MALT1: variants seen among roughly 807,000 people sequenced by gnomAD.
MALT1 encodes mucosa-associated lymphoid tissue lymphoma translocation protein 1.
In MALT1, 36 loss-of-function variants were observed where a neutral mutation model predicts 85.5. The observed-to-expected ratio is 0.42, with a 90% CI of 0.32 to 0.56. MALT1 has a LOEUF of 0.56. Ranked by LOEUF, MALT1 falls within the 20% of genes least tolerant of loss-of-function variation. The pLI, the probability that MALT1 is intolerant of heterozygous loss-of-function variation, is 0.10. For missense variants in MALT1, 716 were observed against 981.6 expected, an observed-to-expected ratio of 0.73 and a Z score of 3.62; for synonymous variants, 359 against 361.3, an observed-to-expected ratio of 0.99 and a Z score of 0.07.
At chr18:58,746,800 T>TCA (rs2144493351) in intron 16 of MALT1, among the ~76,000 whole-genome samples, 1 of 152,210 alleles carries the variant, frequency 6.6e-6, no homozygotes, top group African/African-American at 2.4e-5. Flanking sequence ...CGATCTCAGC[T>TCA]CACTGCAACC....
chr18:58,730,443 A>G (rs930236109), intron 10 of MALT1, among the ~76,000 whole-genome samples: 29 of 152,158 alleles, frequency 1.9e-4, no homozygotes, highest in African/African-American at 7.0e-4. Flanking sequence ...TTCACTTCAC[A>G]TGTTTTCAAA....
intron 4 of MALT1, among the ~76,000 whole-genome samples, chr18:58,705,958 C>G (rs1242707992): frequency 6.6e-6 from 1 of 152,092 alleles, no homozygotes; most frequent in African/African-American, 2.4e-5. Context: ...AAAAGTGTTC[C>G]TATTTCTCCA....
At chr18:58,684,631 A>C (rs2054373207) in intron 2 of MALT1, among the ~76,000 whole-genome samples, 2 of 151,698 alleles carry the variant, frequency 1.3e-5, no homozygotes, top group South Asian at 4.2e-4. Context: ...TTTTTAGTAG[A>C]GATGGGGTTT....
chr18:58,689,916 G>A (rs1176911782), intron 2 of MALT1, among the ~76,000 whole-genome samples: 1 of 152,224 alleles, frequency 6.6e-6, no homozygotes, highest in African/African-American at 2.4e-5. Flanking sequence ...GCCCAGTATG[G>A]CTGGAGCTTG....
At chr18:58,740,760 T>C (rs1205003157) in intron 13 of MALT1, among the ~76,000 whole-genome samples, 1 of 145,852 alleles carries the variant, frequency 6.9e-6, no homozygotes, top group African/African-American at 2.8e-5. Flanking sequence ...CAGAACTCTA[T>C]GTATGCCCAT....
intron 4 of MALT1, among the ~76,000 whole-genome samples, chr18:58,704,108 T>C (rs2054712140): frequency 6.6e-6 from 1 of 152,268 alleles, no homozygotes; most frequent in Admixed American, 6.5e-5. Context: ...TGTCCAGTTT[T>C]GGAATATTAT....
At chr18:58,676,092 C>T (rs2054235815) in intron 1 of MALT1, among the ~76,000 whole-genome samples, 1 of 152,176 alleles carries the variant, frequency 6.6e-6, no homozygotes, top group Non-Finnish European at 1.5e-5. Context: ...GGCCAAGCCA[C>T]GTTGTCTCTC....
chr18:58,733,553 T>C lies in MALT1; in HGVS notation c.1379T>C (p.Leu460Ser). ...QEKETGLNVF[L>S]LDMCRKRNDY... ...AAAGAAACTGGACTTAATGTGTTCT[T>C]ATTGGATATGTGTAGGAAAAGGTAA... is the stretch of plus-strand genomic sequence containing the variant. Residue 460 changes from leucine (L) to serine (S), a missense_variant, in exon 11 of 17, where the codon TTA becomes TCA. Physicochemically the swap from Leu to Ser is moderately radical, Grantham distance 145. Transcript: ENST00000649217. 6.2e-7 allele frequency: 1 copy of C among 1,605,686 alleles called. No individual in the cohort carries two copies. The highest frequency in any genetic ancestry group is 8.5e-7 in the Non-Finnish European group (1 of 1,176,072).
At chr18:58,739,107 C>CA (rs1470336682) in intron 13 of MALT1, among the ~76,000 whole-genome samples, 1 of 152,044 alleles carries the variant, frequency 6.6e-6, no homozygotes, top group African/African-American at 2.4e-5. Context: ...TCTTTTCTTT[C>CA]AATTTCTTAA....
At chr18:58,746,496 A>T (rs545537232) in intron 16 of MALT1, among the ~76,000 whole-genome samples, 13 of 152,356 alleles carry the variant, frequency 8.5e-5, no homozygotes, top group African/African-American at 2.6e-4. Flanking sequence ...GTTCACAACT[A>T]CATGACCATA....
rs1206056064 is a variant in MALT1, at chr18:58,671,866, C to T, written c.209+14C>T. ...CCTCCGCCTCAGGTGAGCTCAGGGC[C>T]GCGGCAGGCCGGGCGCGCGGGTCGA... On this transcript the variant is annotated intron_variant, in intron 1 of 16. Transcript: ENST00000649217. 3.0e-5 allele frequency: 36 copies of T among 1,215,638 alleles called. No individual in the cohort carries two copies. The highest frequency in any genetic ancestry group is 3.6e-5 in the Non-Finnish European group (35 of 977,682). The allele number at this position is 1,215,638 out of a possible 1,614,324, so 75.3% of individuals were successfully genotyped here.
chr18:58,688,671 T>C (rs2054448283), intron 2 of MALT1, among the ~76,000 whole-genome samples: 1 of 151,950 alleles, frequency 6.6e-6, no homozygotes. Flanking sequence ...CTTTGTAAGA[T>C]ACTCTAGAGG....
rs1216777656 is a variant in MALT1 at position 58,671,601 on chromosome 18, G to A, written c.-43G>A. On this transcript the variant is annotated 5_prime_UTR_variant, in exon 1 of 17. Coordinates refer to ENST00000649217, the MANE Select transcript of MALT1 (RefSeq NM_006785.4). ...GCCCCGGGGCCGAGGCCCGTGACGG[G>A]GCGGGCGGGAGCCCCGGCAGTCCGG... 4 of 1,183,370 alleles carry A rather than the reference G, an allele frequency of 3.4e-6. No homozygotes were observed. The highest frequency in any genetic ancestry group is 4.2e-6 in the Non-Finnish European group (4 of 949,960). 73.3% of individuals were successfully genotyped at this position (1,183,370 alleles called of 1,614,324 possible). A position where few individuals can be genotyped will look rare whatever the true frequency, so the allele number is the denominator to read the frequency against.
At chr18:58,700,334 A>G (rs1404645569) in intron 3 of MALT1, 107 bp from the exon 4 acceptor site, 1 of 797,006 alleles carries the variant, frequency 1.3e-6, no homozygotes, top group African/African-American at 1.8e-5. Context: ...TGGGGGAAAA[A>G]TGTTGCACTT....
Position 58,749,609 on chromosome 18 carries a change from A to G in MALT1, c.*1767A>G, listed in dbSNP as rs1483280873. The G allele has an allele frequency of 4.6e-6, 1 of 219,620 alleles. No homozygotes were observed. The highest frequency in any genetic ancestry group is 9.1e-6 in the Non-Finnish European group (1 of 109,542). 13.6% of individuals were successfully genotyped at this position (219,620 alleles called of 1,614,324 possible). On this transcript the variant is annotated 3_prime_UTR_variant, in exon 17 of 17. Coordinates refer to ENST00000649217, the MANE Select transcript of MALT1 (RefSeq NM_006785.4). ...ACAAATGACTGCAAAAGTGCCACGGATATCAATTTGAGGGTTATAAATTTT... is the reference window on the plus strand; with the variant it reads ...ACAAATGACTGCAAAAGTGCCACGGGTATCAATTTGAGGGTTATAAATTTT...
In MALT1 at chr18:58,690,685, C is replaced by T. The variant is rs115373471; in HGVS notation, c.377-5681C>T. ...AGTTCTGCTGCTCAAGCTCCATTCA[C>T]GAGCAGCCACCATACAAAGACCAGG... On this transcript the variant is annotated intron_variant, in intron 2 of 16. Transcript: ENST00000649217. 882 of 192,738 alleles carry T rather than the reference C, an allele frequency of 4.6e-3. 5 individuals are homozygous for T. Among genetic ancestry groups the T allele is most frequent in the African/African-American group, 0.019 (815 of 42,312 alleles). 11.9% of individuals were successfully genotyped at this position (192,738 alleles called of 1,614,324 possible).
chr18:58,722,119 T>TA (rs2054992910), intron 9 of MALT1, among the ~76,000 whole-genome samples: 3 of 144,476 alleles, frequency 2.1e-5, no homozygotes, highest in Admixed American at 6.7e-5. Flanking sequence ...TTTTTTTTTT[T>TA]TATTTTTTTC....
chr18:58,745,633 A>T (rs1416125325), intron 15 of MALT1, 33 bp from the exon 16 acceptor site: 1 of 1,574,500 alleles, frequency 6.4e-7, no homozygotes, highest in Non-Finnish European at 8.7e-7. Context: ...CATTGATTTC[A>T]TTATTAACAG....
In MALT1 at chr18:58,671,827, G is replaced by T. The variant is rs2054166074; in HGVS notation, c.184G>T (p.Gly62Trp). 1 of 1,231,282 alleles carries T rather than the reference G, an allele frequency of 8.1e-7. No homozygotes were observed. Among genetic ancestry groups the T allele is most frequent in the Non-Finnish European group, 1.0e-6 (1 of 987,646 alleles). The allele number at this position is 1,231,282 out of a possible 1,614,324, so 76.3% of individuals were successfully genotyped here. A position where few individuals can be genotyped will look rare whatever the true frequency, so the allele number is the denominator to read the frequency against. The change falls in exon 1 of 17, where the codon GGG becomes TGG. Residue 62 changes from glycine (G) to tryptophan (W), a missense_variant. Transcript: ENST00000649217. ...CTGGAGGAGACTGGCGGAGCTGGCG[G>T]GGAGTCGCGGGCGCCTCCGCCTCAG... ...RGWRRLAELA[G>W]SRGRLRLSCL...
Sources: allele counts gnomAD v4.1 joint callset (sites outside exome capture counted in the v4.1 genomes callset), GRCh38; gene constraint gnomAD v4.1.1; transcripts MANE v1.5; gene names NCBI Gene and HGNC (gene_info 2026-07-23, HGNC 2026-07-21).